Variants in KCNH8 observed in about 807,000 individuals in gnomAD.
KCNH8 encodes the protein potassium voltage-gated channel subfamily H member 8.
In KCNH8, 70 loss-of-function variants were observed where a neutral mutation model predicts 103.6. The ratio of observed to expected loss-of-function variants is 0.68; its 90% confidence interval spans 0.56 to 0.82. The LOEUF (loss-of-function observed/expected upper bound fraction) is 0.82. Ranked by LOEUF, KCNH8 falls within the 40% of genes least tolerant of loss-of-function variation. The pLI is 0.00. For missense variants in KCNH8, 1,217 were observed against 1,329.9 expected (o/e 0.92, Z 1.32); for synonymous variants, 498 against 489.4 (o/e 1.02, Z -0.23).
intron 3 of KCNH8, among the ~76,000 whole-genome samples, chr3:19,286,584 T>C (rs142721616): frequency 7.5e-4 from 114 of 152,338 alleles, no homozygotes; most frequent in African/African-American, 2.7e-3. Flanking sequence ...TTGGTTCCAC[T>C]ACATCCTGAG....
chr3:19,240,990 C>G (rs1467706971), intron 1 of KCNH8, among the ~76,000 whole-genome samples: 2 of 152,056 alleles, frequency 1.3e-5, no homozygotes, highest in African/African-American at 4.8e-5. Flanking sequence ...ACTAGTCTTC[C>G]CAGTCTGGCT....
intron 10 of KCNH8, among the ~76,000 whole-genome samples, chr3:19,452,194 G>T (rs972568414): frequency 2.0e-5 from 3 of 152,082 alleles, no homozygotes; most frequent in Non-Finnish European, 2.9e-5. Flanking sequence ...GACCAGCCTG[G>T]GCAACATGGA....
At chr3:19,495,050 C>T (rs114386126) in intron 11 of KCNH8, among the ~76,000 whole-genome samples, 109 of 151,842 alleles carry the variant, frequency 7.2e-4, no homozygotes, top group East Asian at 3.1e-3. Flanking sequence ...GGGGTTGTTT[C>T]GTCTTTGCTT....
intron 1 of KCNH8, among the ~76,000 whole-genome samples, chr3:19,178,491 A>C (rs1233347816): frequency 6.6e-6 from 1 of 152,160 alleles, no homozygotes; most frequent in Non-Finnish European, 1.5e-5. Flanking sequence ...TGGCATTACT[A>C]TAACACAGTA....
At chr3:19,431,577 C>T (rs1386244173) in intron 7 of KCNH8, among the ~76,000 whole-genome samples, 3 of 152,134 alleles carry the variant, frequency 2.0e-5, no homozygotes, top group Non-Finnish European at 4.4e-5. Context: ...CTTTGTACAT[C>T]TGGTAGACTT....
chr3:19,450,433 A>G (rs1287273898), intron 9 of KCNH8, 128 bp downstream of exon 9: 2 of 734,642 alleles, frequency 2.7e-6, no homozygotes, highest in Non-Finnish European at 4.6e-6. Context: ...ATTTTTAATT[A>G]TTCATGAATC....
chr3:19,347,678 T>G (rs780853173), intron 4 of KCNH8, 47 bp from the exon 5 acceptor site: 2 of 1,602,644 alleles, frequency 1.2e-6, no homozygotes, highest in Non-Finnish European at 1.7e-6. Context: ...AATCCTTGTT[T>G]CTAATGTTGT....
At chr3:19,254,116 G>A (rs976392076) in intron 2 of KCNH8, among the ~76,000 whole-genome samples, 10 of 151,932 alleles carry the variant, frequency 6.6e-5, no homozygotes, top group African/African-American at 2.4e-4. Flanking sequence ...TCAATGAATA[G>A]TTAACATATA....
chr3:19,228,039 T>C (rs1367905466), intron 1 of KCNH8, among the ~76,000 whole-genome samples: 1 of 152,106 alleles, frequency 6.6e-6, no homozygotes, highest in Non-Finnish European at 1.5e-5. Context: ...AGGAGGCTAA[T>C]TTGTTCAGGA....
intron 5 of KCNH8, among the ~76,000 whole-genome samples, chr3:19,361,212 A>G (rs1273971817): frequency 6.6e-6 from 1 of 152,130 alleles, no homozygotes; most frequent in Non-Finnish European, 1.5e-5. Context: ...AAAAGAAGTC[A>G]TGAAATTAAG....
At chr3:19,396,198 T>G (rs2066515758) in intron 7 of KCNH8, among the ~76,000 whole-genome samples, 1 of 152,050 alleles carries the variant, frequency 6.6e-6, no homozygotes, top group African/African-American at 2.4e-5. Context: ...AAATCAATCT[T>G]GAACTTTTGG....
At chr3:19,301,486 T>C (rs1433398857) in intron 3 of KCNH8, among the ~76,000 whole-genome samples, 3 of 151,966 alleles carry the variant, frequency 2.0e-5, no homozygotes, top group Non-Finnish European at 2.9e-5. Context: ...AATAGGCTTA[T>C]TTAAGAAAAA....
chr3:19,243,389 T>C (rs1455124977), intron 1 of KCNH8, among the ~76,000 whole-genome samples: 2 of 152,188 alleles, frequency 1.3e-5, no homozygotes, highest in African/African-American at 2.4e-5. Context: ...ACTCCGATAT[T>C]ACAGCCATGG....
At chr3:19,323,735 G>A (rs1194470685) in intron 3 of KCNH8, among the ~76,000 whole-genome samples, 1 of 152,092 alleles carries the variant, frequency 6.6e-6, no homozygotes, top group African/African-American at 2.4e-5. Flanking sequence ...TAAGGATGGG[G>A]CTTCCTGAGA....
chr3:19,507,214 T>A (rs1420716355), intron 11 of KCNH8, among the ~76,000 whole-genome samples: 1 of 152,096 alleles, frequency 6.6e-6, no homozygotes, highest in Non-Finnish European at 1.5e-5. Context: ...GGAGCACAGG[T>A]GAAGCCCTTA....
At chr3:19,215,332 A>G (rs1002974799) in intron 1 of KCNH8, among the ~76,000 whole-genome samples, 2 of 152,214 alleles carry the variant, frequency 1.3e-5, no homozygotes, top group African/African-American at 2.4e-5. Context: ...GGCACCACAC[A>G]CTAGCACTTA....
intron 1 of KCNH8, among the ~76,000 whole-genome samples, chr3:19,215,718 C>T (rs145440672): frequency 3.9e-5 from 6 of 152,302 alleles, no homozygotes; most frequent in African/African-American, 1.4e-4. Context: ...TTTTCTCTCC[C>T]TTTCTCAAAA....
chr3:19,253,384 A>G (rs1050092954), intron 1 of KCNH8, among the ~76,000 whole-genome samples: 6 of 152,036 alleles, frequency 3.9e-5, no homozygotes, highest in African/African-American at 7.2e-5. Flanking sequence ...CTTACTGCCA[A>G]CTAGATGGTA....
At chr3:19,197,550 T>C (rs2063614258) in intron 1 of KCNH8, among the ~76,000 whole-genome samples, 1 of 152,004 alleles carries the variant, frequency 6.6e-6, no homozygotes, top group African/African-American at 2.4e-5. Context: ...TTAAAGGCAA[T>C]TTAGTGCAGT....
Sources: allele counts gnomAD v4.1 joint callset (sites outside exome capture counted in the v4.1 genomes callset), GRCh38; gene constraint gnomAD v4.1.1; transcripts MANE v1.5; gene names NCBI Gene and HGNC (gene_info 2026-07-23, HGNC 2026-07-21).